The following TMEM260 variants were observed in gnomAD, a reference collection of about 807,000 sequenced individuals.
TMEM260 encodes transmembrane protein 260, also known as protein O-mannosyl-transferase TMEM260.
A neutral mutation model predicts 88.9 loss-of-function variants in TMEM260; 82 were observed. That is an observed-to-expected ratio of 0.92 (90% CI 0.77 to 1.11). The LOEUF is 1.11. TMEM260 is among the 50% of genes least tolerant of loss of function. TMEM260 has a pLI of 0.00. For synonymous variants in TMEM260, 314 were observed against 309.3 expected, an observed-to-expected ratio of 1.02 and a Z score of -0.16; for missense variants, 902 against 853.4, an observed-to-expected ratio of 1.06 and a Z score of -0.71.
intron 11 of TMEM260, among the ~76,000 whole-genome samples, chr14:56,624,786 A>G (rs1888138854): frequency 6.6e-6 from 1 of 151,970 alleles, no homozygotes; most frequent in Non-Finnish European, 1.5e-5. Context: ...AGTGGTTCTG[A>G]AAGTTGAATA....
chr14:56,582,735 G>A (rs189219702), intron 1 of TMEM260, among the ~76,000 whole-genome samples: 46 of 152,268 alleles, frequency 3.0e-4, no homozygotes, highest in African/African-American at 1.0e-3. Flanking sequence ...CATGTAAAGG[G>A]TTGGGAGAAA....
intron 3 of TMEM260, among the ~76,000 whole-genome samples, chr14:56,591,634 A>G (rs1436170763): frequency 2.0e-5 from 3 of 152,224 alleles, no homozygotes; most frequent in East Asian, 1.9e-4. Context: ...AGATTGAGTA[A>G]CAAACTAATC....
chr14:56,653,191 A>G (rs1387380809), downstream of TMEM260, among the ~76,000 whole-genome samples: 2 of 152,132 alleles, frequency 1.3e-5, no homozygotes, highest in African/African-American at 4.8e-5. Context: ...CAACAGAGCA[A>G]GACTCTGTTT....
chr14:56,617,843 C>A (rs915584114), intron 9 of TMEM260, among the ~76,000 whole-genome samples: 1 of 152,148 alleles, frequency 6.6e-6, no homozygotes, highest in African/African-American at 2.4e-5. Context: ...AAATAATACC[C>A]TACTTGATCA....
At chr14:56,581,562 AT>A (rs1885135908) in intron 1 of TMEM260, among the ~76,000 whole-genome samples, 1 of 152,202 alleles carries the variant, frequency 6.6e-6, no homozygotes, top group South Asian at 2.1e-4. Context: ...ACAGCTACTT[AT>A]GGTTGGTTGA....
intron 15 of TMEM260, 43 bp from the exon 16 acceptor site, chr14:56,647,200 C>A: frequency 2.0e-6 from 3 of 1,512,236 alleles, no homozygotes; most frequent in Admixed American, 2.3e-5. Flanking sequence ...AAAAAAAAGT[C>A]AAAGAATAAC....
At chr14:56,650,071 G>A (rs1207139175), downstream of TMEM260, 1 of 455,240 alleles carries the variant, frequency 2.2e-6, no homozygotes, top group South Asian at 1.6e-5. Context: ...TCCTTGGCTA[G>A]TGTACAGACT....
Position 56,627,669 on chromosome 14 carries a change from G to C in TMEM260, c.1547+2139G>C, listed in dbSNP as rs141244349. ...GATAGAGATATTTTTCCCCCCCAAA[G>C]GGATGGACCATCATCATATGAAAGT... On this transcript the variant is annotated intron_variant, in intron 12 of 15. Coordinates refer to ENST00000261556, the MANE Select transcript of TMEM260 (RefSeq NM_017799.4). Among the ~76,000 whole-genome samples the C allele has an allele frequency of 4.3e-3, 657 of 152,302 alleles. 2 individuals are homozygous for C. Among genetic ancestry groups the C allele is most frequent in the African/African-American group, 0.015 (627 of 41,566 alleles).
chr14:56,594,104 G>A (rs991029226), intron 3 of TMEM260, among the ~76,000 whole-genome samples: 1 of 152,172 alleles, frequency 6.6e-6, no homozygotes, highest in Admixed American at 6.5e-5. Context: ...CTGTAAGTCA[G>A]ATTAGATGAT....
At chr14:56,584,292 A>G (rs1358416563) in intron 1 of TMEM260, among the ~76,000 whole-genome samples, 1 of 152,144 alleles carries the variant, frequency 6.6e-6, no homozygotes, top group Non-Finnish European at 1.5e-5. Flanking sequence ...GTACGGTACT[A>G]CAATGTACAG....
Position 56,625,389 on chromosome 14 carries a change from C to T in TMEM260, c.1406C>T (p.Thr469Ile). Residue 469 changes from threonine (T) to isoleucine (I), a missense_variant, in exon 12 of 16, where the codon ACT (threonine) becomes ATT (isoleucine). Coordinates refer to ENST00000261556, the MANE Select transcript of TMEM260 (RefSeq NM_017799.4). The part of the protein sequence containing the change: ...DISLVDQEMM[T>I]YEWYLPKMAK... The stretch of plus-strand genomic sequence containing the variant: ...GTGTGACTTTTCTGGCAGATGATGA[C>T]TTACGAGTGGTATTTACCCAAGATG... 3 of 1,612,834 alleles carry T rather than the reference C, an allele frequency of 1.9e-6. No homozygotes were observed. The highest frequency in any genetic ancestry group is 2.2e-5 in the South Asian group (2 of 90,466).
chr14:56,661,213 G>A, the TMEM260 span, among the ~76,000 whole-genome samples: 1 of 150,082 alleles, frequency 6.7e-6, no homozygotes, highest in African/African-American at 2.4e-5. Context: ...TGGAATCCTG[G>A]TGGTCGCCAC....
chr14:56,633,184 G>T lies in TMEM260; in HGVS notation c.1724+13G>T, dbSNP rs771778668. On this transcript the variant is annotated intron_variant, in intron 13 of 15. Coordinates refer to ENST00000261556, the MANE Select transcript of TMEM260 (RefSeq NM_017799.4). ...AAGAATATGGAAGGTATGAACAGCA[G>T]TTGTATTTTGATGCATATAAACATA... 6.3e-7 allele frequency: 1 copy of T among 1,599,894 alleles called. No homozygotes were observed. Among genetic ancestry groups the T allele is most frequent in the Non-Finnish European group, 8.5e-7 (1 of 1,173,422 alleles).
At chr14:56,594,066 C>G (rs1886057565) in intron 3 of TMEM260, among the ~76,000 whole-genome samples, 1 of 152,160 alleles carries the variant, frequency 6.6e-6, no homozygotes. Context: ...ATCTTTTCCT[C>G]ATATGACCTA....
At chr14:56,618,043 C>T (rs1887693382) in intron 9 of TMEM260, among the ~76,000 whole-genome samples, 1 of 152,180 alleles carries the variant, frequency 6.6e-6, no homozygotes, top group South Asian at 2.1e-4. Flanking sequence ...GGTCAGGCCT[C>T]TTCCCTGTCT....
intron 1 of TMEM260, among the ~76,000 whole-genome samples, chr14:56,583,077 AGT>A (rs1180776652): frequency 6.6e-6 from 1 of 152,230 alleles, no homozygotes; most frequent in Non-Finnish European, 1.5e-5. Context: ...GAGAATGAAT[AGT>A]GACCTTTGAA....
intron 15 of TMEM260, among the ~76,000 whole-genome samples, chr14:56,641,922 T>C (rs929500306): frequency 8.5e-5 from 13 of 152,214 alleles, no homozygotes; most frequent in African/African-American, 3.1e-4. Context: ...AGAAGGCCAT[T>C]ACATAATAGT....
rs778879788 is a variant in TMEM260 at position 56,625,363 on chromosome 14, T to C, written c.1399-19T>C. On this transcript the variant is annotated intron_variant, in intron 11 of 15. Coordinates refer to ENST00000261556, the MANE Select transcript of TMEM260 (RefSeq NM_017799.4). The stretch of plus-strand genomic sequence containing the variant: ...GAAATATATTAAAAGTCTGACATTA[T>C]GTGTGACTTTTCTGGCAGATGATGA... The C allele has an allele frequency of 4.3e-6, 7 of 1,609,278 alleles. No individual in the cohort carries two copies. In the South Asian group the frequency reaches 6.7e-5, roughly 15 times the overall value.
Position 56,596,970 on chromosome 14 carries a change from G to C in TMEM260, c.345-6845G>C, listed in dbSNP as rs149368744. On this transcript the variant is annotated intron_variant, in intron 3 of 15. Transcript: ENST00000261556. ...CAGTTAAAAATTTATATTCCTCTGGGTCTTTTTTTAATAAATATAGAAAGA... is the reference window on the plus strand; with the variant it reads ...CAGTTAAAAATTTATATTCCTCTGGCTCTTTTTTTAATAAATATAGAAAGA... Among the ~76,000 whole-genome samples, 435 of 151,598 alleles carry C rather than the reference G, an allele frequency of 2.9e-3. 4 individuals are homozygous for C. The highest frequency in any genetic ancestry group is 0.01 in the African/African-American group (417 of 41,286).
Sources: allele counts gnomAD v4.1 joint callset (sites outside exome capture counted in the v4.1 genomes callset), GRCh38; gene constraint gnomAD v4.1.1; transcripts MANE v1.5; gene names NCBI Gene and HGNC (gene_info 2026-07-23, HGNC 2026-07-21).